SRGAP1: variants seen among roughly 807,000 people sequenced by gnomAD.
SRGAP1 encodes SLIT-ROBO Rho GTPase-activating protein 1.
SRGAP1 carries 43 observed loss-of-function variants against 121.9 expected under a neutral mutation model. The observed-to-expected ratio is 0.35, with a 90% CI of 0.28 to 0.46. SRGAP1 has a LOEUF of 0.46. Ranked by LOEUF, SRGAP1 falls within the 20% of genes least tolerant of loss-of-function variation. The pLI is 1.00. For synonymous variants in SRGAP1, 447 were observed against 485.4 expected, an observed-to-expected ratio of 0.92 and a Z score of 1.04; for missense variants, 1,102 against 1,350.9, an observed-to-expected ratio of 0.82 and a Z score of 2.89.
At chr12:63,911,298 CAAAAAA>C (rs10715790) in intron 1 of SRGAP1, among the ~76,000 whole-genome samples, 1 of 90,244 alleles carries the variant, frequency 1.1e-5, no homozygotes, top group Non-Finnish European at 2.3e-5. Flanking sequence ...GACTCTGTCT[CAAAAAA>C]AAAAAAAAAA....
At chr12:63,942,265 A>G (rs992234423) in intron 1 of SRGAP1, among the ~76,000 whole-genome samples, 8 of 152,216 alleles carry the variant, frequency 5.3e-5, no homozygotes, top group Admixed American at 1.3e-4. Flanking sequence ...TTAAACAGAA[A>G]GTACCTACTT....
Position 64,161,570 on chromosome 12 carries a change from G to A in SRGAP1, c.*18898G>A, listed in dbSNP as rs1324932330. 1.3e-5 allele frequency: 2 copies of A among 151,892 alleles called. No individual in the cohort carries two copies. Among genetic ancestry groups the A allele is most frequent in the African/African-American group, 4.8e-5 (2 of 41,322 alleles). 9.4% of individuals were successfully genotyped at this position (151,892 alleles called of 1,614,324 possible). On this transcript the variant is annotated 3_prime_UTR_variant, in exon 22 of 22. Transcript: ENST00000355086. ...GGTCCTATATATTTTTTTATTTTGA[G>A]ATTATTAGTGATAGTTCTTCTAAGT...
At chr12:64,055,537 C>T (rs1168843253) in intron 6 of SRGAP1, among the ~76,000 whole-genome samples, 47 of 147,008 alleles carry the variant, frequency 3.2e-4, no homozygotes, top group South Asian at 1.5e-3. Context: ...AAAGAGCCCG[C>T]ATCGCCAAGT....
intron 8 of SRGAP1, among the ~76,000 whole-genome samples, chr12:64,074,493 T>C (rs1324435371): frequency 2.6e-5 from 4 of 152,214 alleles, no homozygotes; most frequent in South Asian, 4.1e-4. Context: ...CTACTTCTCA[T>C]ATAAAGCTAC....
intron 1 of SRGAP1, among the ~76,000 whole-genome samples, chr12:63,945,864 C>T (rs2032027746): frequency 6.6e-6 from 1 of 152,116 alleles, no homozygotes. Context: ...TACTTCAGTC[C>T]CAGCACTTCA....
intron 15 of SRGAP1, among the ~76,000 whole-genome samples, chr12:64,106,099 A>C (rs779398571): frequency 3.3e-5 from 5 of 152,110 alleles, no homozygotes; most frequent in Non-Finnish European, 7.4e-5. Context: ...AGCTCACTGG[A>C]GCTTCGAACT....
chr12:63,968,289 C>T (rs965757525), intron 1 of SRGAP1, among the ~76,000 whole-genome samples: 3 of 152,156 alleles, frequency 2.0e-5, no homozygotes, highest in Non-Finnish European at 2.9e-5. Context: ...CAAGAATATG[C>T]TTTGTTTGGC....
intron 1 of SRGAP1, among the ~76,000 whole-genome samples, chr12:63,979,848 G>A (rs2033199139): frequency 6.6e-6 from 1 of 152,178 alleles, no homozygotes; most frequent in Admixed American, 6.5e-5. Flanking sequence ...GAATCTAGGG[G>A]TAGGAAGGAA....
chr12:64,137,971 T>C (rs1383182801), intron 21 of SRGAP1, among the ~76,000 whole-genome samples: 1 of 144,770 alleles, frequency 6.9e-6, no homozygotes, highest in Non-Finnish European at 1.5e-5. Context: ...AATATATATA[T>C]ATATATATAT....
chr12:64,086,722 G>GAAAAAAAAAAAA, intron 10 of SRGAP1, among the ~76,000 whole-genome samples: 1 of 120,256 alleles, frequency 8.3e-6, no homozygotes. Flanking sequence ...TTTCTTTTCT[G>GAAAAAAAAAAAA]AAAAAAAAAA....
At chr12:64,134,216 T>C (rs780459304) in intron 21 of SRGAP1, among the ~76,000 whole-genome samples, 4 of 152,050 alleles carry the variant, frequency 2.6e-5, no homozygotes, top group African/African-American at 9.6e-5. Context: ...GGTCAGGAGA[T>C]TGAGACCATC....
In SRGAP1 at chr12:64,111,145, C is replaced by T. The variant is rs192397930; in HGVS notation, c.1920-617C>T. Among the ~76,000 whole-genome samples, 296 of 152,266 alleles carry T rather than the reference C, an allele frequency of 1.9e-3. 2 individuals carry two copies. Among genetic ancestry groups the T allele is most frequent in the Middle Eastern group, 6.8e-3 (2 of 294 alleles). ...GGAAATCTCCCCCACAGTTTGCAAG[C>T]CTTGCATAGAATAAGAGAACTGAGG... On this transcript the variant is annotated intron_variant, in intron 16 of 21. Coordinates refer to ENST00000355086, the MANE Select transcript of SRGAP1 (RefSeq NM_020762.4).
chr12:64,083,650 A>G (rs969344315), intron 10 of SRGAP1, among the ~76,000 whole-genome samples: 1 of 152,246 alleles, frequency 6.6e-6, no homozygotes, highest in Non-Finnish European at 1.5e-5. Flanking sequence ...TTTAAATCAT[A>G]GAAGTTAAAT....
chr12:64,099,149 A>G (rs2036215760), intron 15 of SRGAP1, among the ~76,000 whole-genome samples: 1 of 152,218 alleles, frequency 6.6e-6, no homozygotes, highest in Admixed American at 6.5e-5. Context: ...GCTCTGTCAC[A>G]TACTCATCAG....
intron 6 of SRGAP1, among the ~76,000 whole-genome samples, chr12:64,061,922 A>C (rs1593089856): frequency 6.6e-6 from 1 of 152,034 alleles, no homozygotes; most frequent in Non-Finnish European, 1.5e-5. Context: ...ACCATATTTT[A>C]TTTATTAGTT....
chr12:64,038,311 A>G (rs1252801822), intron 4 of SRGAP1, among the ~76,000 whole-genome samples: 3 of 152,102 alleles, frequency 2.0e-5, no homozygotes, highest in African/African-American at 7.2e-5. Context: ...TATATAGTAA[A>G]TACTCAATAA....
intron 1 of SRGAP1, among the ~76,000 whole-genome samples, chr12:63,910,893 A>G (rs1394199215): frequency 1.3e-5 from 2 of 152,180 alleles, no homozygotes; most frequent in East Asian, 1.9e-4. Context: ...GAGATCCTCC[A>G]TTTGTCCTGA....
intron 1 of SRGAP1, among the ~76,000 whole-genome samples, chr12:63,853,022 AT>A (rs141845676): frequency 0.015 from 2,173 of 143,402 alleles, 38 homozygotes; most frequent in African/African-American, 0.046. Flanking sequence ...TTACCGCAAA[AT>A]TTTTTTTTTT....
chr12:63,887,062 T>G (rs1592916797), intron 1 of SRGAP1, among the ~76,000 whole-genome samples: 2 of 151,760 alleles, frequency 1.3e-5, no homozygotes, highest in East Asian at 3.9e-4. Context: ...TTAGTAGAGA[T>G]AGGGTTTCAC....
Sources: gnomAD v4.1 joint callset for allele counts (sites outside exome capture counted in the v4.1 genomes callset) on GRCh38, gnomAD v4.1.1 for gene constraint, MANE v1.5 for transcripts, NCBI Gene and HGNC (gene_info 2026-07-23, HGNC 2026-07-21) for gene names.